Variants in STK33 observed in about 807,000 individuals in gnomAD.
STK33 encodes serine/threonine-protein kinase 33.
In STK33, 52 loss-of-function variants were observed where a neutral mutation model predicts 58.0. The observed-to-expected ratio is 0.90, with a 90% CI of 0.72 to 1.13. The LOEUF (loss-of-function observed/expected upper bound fraction) is 1.13. Ranked by LOEUF, STK33 falls within the 50% of genes most tolerant of loss-of-function variation. STK33 has a pLI of 0.00. For missense variants in STK33, 630 were observed against 604.2 expected (o/e 1.04, Z -0.45); for synonymous variants, 215 against 200.1 (o/e 1.07, Z -0.63).
At chr11:8,484,165 T>A (rs1031439512) in intron 1 of STK33, among the ~76,000 whole-genome samples, 2 of 152,208 alleles carry the variant, frequency 1.3e-5, no homozygotes, top group African/African-American at 4.8e-5. Flanking sequence ...TCCTCCCTAG[T>A]AACCTATGTT....
chr11:8,409,642 A>C (rs1476874877), intron 15 of STK33, among the ~76,000 whole-genome samples: 1 of 152,192 alleles, frequency 6.6e-6, no homozygotes, highest in African/African-American at 2.4e-5. Flanking sequence ...GCACATTATC[A>C]CTTCTGAAAA....
At chr11:8,351,215 G>A in the STK33 span, among the ~76,000 whole-genome samples, 4 of 151,986 alleles carry the variant, frequency 2.6e-5, no homozygotes, top group African/African-American at 9.7e-5. Flanking sequence ...AATCCAGCTG[G>A]AAGCCTTATT....
intron 1 of STK33, among the ~76,000 whole-genome samples, chr11:8,574,143 G>A (rs1958020732): frequency 6.6e-6 from 1 of 152,224 alleles, no homozygotes; most frequent in African/African-American, 2.4e-5. Flanking sequence ...GACACTTAGA[G>A]ATGGAGCTAA....
chr11:8,423,078 G>A (rs1210603026), intron 14 of STK33, among the ~76,000 whole-genome samples: 1 of 151,542 alleles, frequency 6.6e-6, no homozygotes, highest in Non-Finnish European at 1.5e-5. Context: ...CTGGACTCAA[G>A]CAATCCACCC....
chr11:8,541,051 C>A (rs2140334377), intron 1 of STK33, among the ~76,000 whole-genome samples: 1 of 150,886 alleles, frequency 6.6e-6, no homozygotes, highest in East Asian at 1.9e-4. Flanking sequence ...ATATACATAA[C>A]ACATTTTTTT....
At chr11:8,394,517 T>A (rs7114460) in intron 15 of STK33, among the ~76,000 whole-genome samples, 30,046 of 152,186 alleles carry the variant, frequency 0.2, 3,414 homozygotes, top group African/African-American at 0.3. Context: ...TTTAATGTGC[T>A]TATATTCATA....
chr11:8,555,531 G>A (rs186858241), intron 1 of STK33, among the ~76,000 whole-genome samples: 23 of 152,130 alleles, frequency 1.5e-4, no homozygotes, highest in African/African-American at 4.6e-4. Flanking sequence ...TGGGTGTGGT[G>A]GTGAGCGCCT....
chr11:8,424,662 C>T (rs986958553), intron 14 of STK33, among the ~76,000 whole-genome samples: 1 of 148,942 alleles, frequency 6.7e-6, no homozygotes, highest in Admixed American at 6.7e-5. Context: ...TGTTTCCTGA[C>T]TTTTTAATGA....
chr11:8,402,166 C>A (rs538727060), intron 15 of STK33, among the ~76,000 whole-genome samples: 108 of 152,192 alleles, frequency 7.1e-4, no homozygotes, highest in African/African-American at 2.5e-3. Context: ...CACATGCACA[C>A]GTATGTTTAT....
chr11:8,570,804 A>G lies in STK33; in HGVS notation c.-466+23279T>C, dbSNP rs76979058. Among the ~76,000 whole-genome samples, 55 of 152,296 alleles carry G rather than the reference A, an allele frequency of 3.6e-4. No individual in the cohort carries two copies. The East Asian group carries it at 0.011, about 29-fold the overall frequency. ...TCTTCATTGTCTGGCAGTTTCATGGATGTGCACATATATAAAAATCAAATT... is the reference window on the plus strand; with the variant it reads ...TCTTCATTGTCTGGCAGTTTCATGGGTGTGCACATATATAAAAATCAAATT... On this transcript the variant is annotated intron_variant, in intron 1 of 15. Coordinates refer to ENST00000687296, the MANE Select transcript of STK33 (RefSeq NM_001352389.2).
chr11:8,460,868 TGTG>T (rs1308730283), intron 8 of STK33, among the ~76,000 whole-genome samples: 3 of 152,218 alleles, frequency 2.0e-5, no homozygotes, highest in Non-Finnish European at 2.9e-5. Flanking sequence ...AAAGGATAAC[TGTG>T]GTCTTTAATT....
chr11:8,484,297 G>A (rs1342746275), intron 1 of STK33, among the ~76,000 whole-genome samples: 2 of 152,110 alleles, frequency 1.3e-5, no homozygotes, highest in Non-Finnish European at 2.9e-5. Flanking sequence ...CCTAATAAAT[G>A]GAGGCTTTAT....
intron 1 of STK33, among the ~76,000 whole-genome samples, chr11:8,569,932 G>C (rs907818995): frequency 6.6e-6 from 1 of 152,126 alleles, no homozygotes; most frequent in African/African-American, 2.4e-5. Flanking sequence ...CTGGGCAACA[G>C]AGTGAGACCC....
At chr11:8,463,309 A>G (rs75285003) in intron 7 of STK33, among the ~76,000 whole-genome samples, 1 of 152,138 alleles carries the variant, frequency 6.6e-6, no homozygotes, top group African/African-American at 2.4e-5. Flanking sequence ...TTGGATTCTC[A>G]TAAGGAGCAT....
chr11:8,410,462 TTTC>T (rs1397779995), intron 15 of STK33, among the ~76,000 whole-genome samples: 2 of 121,052 alleles, frequency 1.7e-5, no homozygotes, highest in Non-Finnish European at 3.3e-5. Context: ...TCTATTTTCT[TTTC>T]TTTTCTTTTT....
At chr11:8,346,776 T>C in the STK33 span, among the ~76,000 whole-genome samples, 10,131 of 152,126 alleles carry the variant, frequency 0.067, 558 homozygotes, top group African/African-American at 0.15. Flanking sequence ...GCACATGGCC[T>C]CTTGTAGCCC....
chr11:8,492,849 T>C (rs1178378509), intron 1 of STK33, among the ~76,000 whole-genome samples: 2 of 152,192 alleles, frequency 1.3e-5, no homozygotes, highest in Non-Finnish European at 2.9e-5. Context: ...GAATGACTAC[T>C]GGGTAAATAA....
intron 1 of STK33, among the ~76,000 whole-genome samples, chr11:8,571,406 C>T (rs918912501): frequency 2.0e-5 from 3 of 151,874 alleles, no homozygotes; most frequent in Admixed American, 1.3e-4. Context: ...TAGGGATAGG[C>T]GAGGGGAGAA....
At chr11:8,531,511 T>A (rs1954547069) in intron 1 of STK33, among the ~76,000 whole-genome samples, 1 of 152,228 alleles carries the variant, frequency 6.6e-6, no homozygotes, top group African/African-American at 2.4e-5. Flanking sequence ...TTACACTGTT[T>A]ATCCAAGATG....
Sources: gnomAD v4.1 joint callset for allele counts (sites outside exome capture counted in the v4.1 genomes callset) on GRCh38, gnomAD v4.1.1 for gene constraint, MANE v1.5 for transcripts, NCBI Gene and HGNC (gene_info 2026-07-23, HGNC 2026-07-21) for gene names.